ZNF140: variants seen among roughly 807,000 people sequenced by gnomAD.
ZNF140 encodes zinc finger protein 140 (clone pHZ-39).
ZNF140 carries 13 observed loss-of-function variants against 12.9 expected under a neutral mutation model. That is an observed-to-expected ratio of 1.01 (90% CI 0.66 to 1.60). The LOEUF (loss-of-function observed/expected upper bound fraction) is 1.60. ZNF140 is among the 40% of genes most tolerant of loss of function. The pLI is 0.00. For synonymous variants in ZNF140, 214 were observed against 186.7 expected (o/e 1.15, Z -1.19); for missense variants, 531 against 548.8 (o/e 0.97, Z 0.32).
rs201489396 is a variant in ZNF140, at chr12:133,106,080, T to C, written c.803T>C (p.Ile268Thr). 45 of 1,614,036 alleles carry C rather than the reference T, an allele frequency of 2.8e-5. No homozygotes were observed. Among genetic ancestry groups the C allele is most frequent in the Non-Finnish European group, 3.6e-5 (43 of 1,179,988 alleles). Residue 268 changes from isoleucine (I) to threonine (T), a missense_variant, in exon 5 of 5, where the codon ATA (isoleucine) becomes ACA (threonine). Ile to Thr is a moderately conservative substitution (Grantham distance 89). Coordinates refer to ENST00000355557, the MANE Select transcript of ZNF140 (RefSeq NM_003440.4). ...CTCACTCGACATCAAAGAATTCACA[T>C]AGGAAAGAAACAATATATATGTAGG... ...SNLTRHQRIHIGKKQYICRKC... is the reference protein window; with the variant it reads ...SNLTRHQRIHTGKKQYICRKC...
At chr12:133,091,165 T>C (rs1954869118) in intron 4 of ZNF140, among the ~76,000 whole-genome samples, 1 of 150,098 alleles carries the variant, frequency 6.7e-6, no homozygotes, top group Non-Finnish European at 1.5e-5. Flanking sequence ...GAGGCCATAT[T>C]TCAGACTCTC....
At position 133,083,189 on chromosome 12, in the gene ZNF140, A is replaced by G; in HGVS notation, c.96A>G (p.Arg32=). The change falls in exon 3 of 5, where the codon AGA becomes AGG. Residue 32 remains arginine (R), a synonymous_variant. Coordinates refer to ENST00000355557, the MANE Select transcript of ZNF140 (RefSeq NM_003440.4). ...AGCCTGCTCAAAGAGATTTGTACAG[A>G]TGTGTAATGTTGGAGAACTATGGCC... The part of the protein sequence containing the change: ...WLQPAQRDLY[R]CVMLENYGHL... 1 of 1,614,138 alleles carries G rather than the reference A, an allele frequency of 6.2e-7. No individual in the cohort carries two copies. Among genetic ancestry groups the G allele is most frequent in the South Asian group, 1.1e-5 (1 of 91,082 alleles).
Position 133,091,245 on chromosome 12 carries a change from C to T in ZNF140, c.232+7684C>T, listed in dbSNP as rs901865583. Reference sequence around the variant, plus strand: ...GGTCTCTGCGGCTTTCTGCAGTGCACTGTGCCCTGGTTTATTGAGACTAGA... The same window carrying T: ...GGTCTCTGCGGCTTTCTGCAGTGCATTGTGCCCTGGTTTATTGAGACTAGA... On this transcript the variant is annotated intron_variant, in intron 4 of 4. Transcript: ENST00000355557. Among the ~76,000 whole-genome samples the T allele has an allele frequency of 8.9e-4, 127 of 142,780 alleles. 4 individuals are homozygous for T. The highest frequency in any genetic ancestry group is 1.8e-3 in the Admixed American group (25 of 14,042). The allele number at this position is 142,780 out of a possible 152,430, so 93.7% of individuals were successfully genotyped here.
intron 2 of ZNF140, chr12:133,081,967 C>T (rs1403644228): frequency 1.9e-5 from 3 of 156,150 alleles, no homozygotes; most frequent in Non-Finnish European, 4.3e-5. Flanking sequence ...TCTAACAGTC[C>T]TTCCAAGTGA....
In ZNF140 at chr12:133,106,836, T is replaced by TA. The variant is rs1955618286; in HGVS notation, c.*187dup. ...CAGGAATATGTGGAAAAGCCATTAATAACCACTCTTTTATTTTTTTGCAAT... is the reference window on the plus strand; with the variant it reads ...CAGGAATATGTGGAAAAGCCATTAATAAACCACTCTTTTATTTTTTTGCAAT... On this transcript the variant is annotated 3_prime_UTR_variant, in exon 5 of 5. Coordinates refer to ENST00000355557, the MANE Select transcript of ZNF140 (RefSeq NM_003440.4). 2.1e-6 allele frequency: 1 copy of TA among 473,674 alleles called. No individual in the cohort carries two copies. The highest frequency in any genetic ancestry group is 3.9e-5 in the Admixed American group (1 of 25,938). 29.3% of individuals were successfully genotyped at this position (473,674 alleles called of 1,614,324 possible).
intron 4 of ZNF140, among the ~76,000 whole-genome samples, chr12:133,095,363 C>T (rs959260159): frequency 7.3e-5 from 11 of 150,856 alleles, no homozygotes; most frequent in Admixed American, 1.3e-4. Context: ...ACAAGCTTAC[C>T]GCAAGGCTGA....
intron 4 of ZNF140, among the ~76,000 whole-genome samples, chr12:133,084,918 A>G (rs1460645379): frequency 5.9e-5 from 9 of 152,242 alleles, no homozygotes; most frequent in African/African-American, 1.2e-4. Flanking sequence ...AGTGGGAGCA[A>G]ATGAGGAAAA....
In ZNF140 at chr12:133,093,506, G is replaced by T. The variant is rs761258652; in HGVS notation, c.232+9945G>T. 10 of 698,884 alleles carry T rather than the reference G, an allele frequency of 1.4e-5. 2 individuals are homozygous for T. Among genetic ancestry groups the T allele is most frequent in the Non-Finnish European group, 2.3e-5 (9 of 383,286 alleles). The allele number at this position is 698,884 out of a possible 1,614,324, so 43.3% of individuals were successfully genotyped here. On this transcript the variant is annotated intron_variant, in intron 4 of 4. Transcript: ENST00000355557. Reference sequence around the variant, plus strand: ...TAGATGGAAACTTCTTTTGTAAGTTGTAAGTATCCAAACTGGAAGCTGATT... The same window carrying T: ...TAGATGGAAACTTCTTTTGTAAGTTTTAAGTATCCAAACTGGAAGCTGATT...
rs1955621996 is a variant in ZNF140 at position 133,106,942 on chromosome 12, C to T, written c.*291C>T. The stretch of plus-strand genomic sequence containing the variant: ...GACTTCATTTGGTAGGAGTCCCTTA[C>T]TTTACGTGTGTAAATTCCTACCAGG... On this transcript the variant is annotated 3_prime_UTR_variant, in exon 5 of 5. Transcript: ENST00000355557. 8.6e-6 allele frequency: 2 copies of T among 231,510 alleles called. No individual in the cohort carries two copies. The highest frequency in any genetic ancestry group is 1.8e-4 in the South Asian group (2 of 10,948). The allele number at this position is 231,510 out of a possible 1,614,324, so 14.3% of individuals were successfully genotyped here.
intron 4 of ZNF140, among the ~76,000 whole-genome samples, chr12:133,097,375 G>A (rs929065177): frequency 7.2e-5 from 11 of 152,068 alleles, no homozygotes; most frequent in Non-Finnish European, 1.3e-4. Flanking sequence ...TGGGTGTGGT[G>A]GCTCACGCCT....
chr12:133,095,516 G>A (rs976939749), intron 4 of ZNF140, among the ~76,000 whole-genome samples: 15 of 151,210 alleles, frequency 9.9e-5, no homozygotes, highest in East Asian at 1.9e-4. Context: ...ATTTCTAGTC[G>A]GGTGGGATGA....
At chr12:133,091,771 T>G (rs1566309325) in intron 4 of ZNF140, among the ~76,000 whole-genome samples, 1 of 151,326 alleles carries the variant, frequency 6.6e-6, no homozygotes, top group East Asian at 1.9e-4. Context: ...TGTCTCAGTT[T>G]CTGGCACCAG....
At chr12:133,097,722 T>G (rs1955180474) in intron 4 of ZNF140, among the ~76,000 whole-genome samples, 1 of 152,074 alleles carries the variant, frequency 6.6e-6, no homozygotes, top group Admixed American at 6.6e-5. Flanking sequence ...GATACAATCA[T>G]AGCTCACTGC....
intron 4 of ZNF140, chr12:133,101,126 T>C: frequency 3.5e-6 from 1 of 284,450 alleles, no homozygotes; most frequent in Non-Finnish European, 7.1e-6. Flanking sequence ...ATATACCTAA[T>C]TGTAGGGGTT....
intron 4 of ZNF140, among the ~76,000 whole-genome samples, chr12:133,095,752 A>G (rs12368915): frequency 0.029 from 4,272 of 148,522 alleles, 7 homozygotes; most frequent in Non-Finnish European, 0.042. Flanking sequence ...AATCTATGTC[A>G]TAATTAGGTT....
At chr12:133,098,408 G>A (rs942778077) in intron 4 of ZNF140, among the ~76,000 whole-genome samples, 4 of 149,108 alleles carry the variant, frequency 2.7e-5, no homozygotes, top group South Asian at 2.1e-4. Flanking sequence ...CTGGCTAATG[G>A]TCTGCATTTT....
In ZNF140 at chr12:133,083,065, T is replaced by TG. The variant is rs1464503256; in HGVS notation, c.10-37dup. On this transcript the variant is annotated intron_variant, in intron 2 of 4. Transcript: ENST00000355557. Reference sequence around the variant, plus strand: ...TCCTTGATGAGGGAGTTTGGGGGCATGCGTGCTGGTCATGCAAATATCTGT... The same window carrying TG: ...TCCTTGATGAGGGAGTTTGGGGGCATGGCGTGCTGGTCATGCAAATATCTGT... 1.7e-5 allele frequency: 28 copies of TG among 1,613,928 alleles called. No homozygotes were observed. In the Admixed American group the frequency reaches 4.7e-4, roughly 27 times the overall value.
At chr12:133,102,787 T>C (rs910192135) in intron 4 of ZNF140, among the ~76,000 whole-genome samples, 131 of 151,656 alleles carry the variant, frequency 8.6e-4, no homozygotes, top group African/African-American at 2.9e-3. Context: ...CTTCTATCTA[T>C]AGGCTTTTAA....
At chr12:133,082,731 AATTAT>A (rs1381328612) in intron 2 of ZNF140, 1 of 165,376 alleles carries the variant, frequency 6.0e-6, no homozygotes, top group Non-Finnish European at 1.3e-5. Context: ...ATTCTGGCTG[AATTAT>A]ATTAAAATAG....
Sources: gnomAD v4.1 joint callset for allele counts (sites outside exome capture counted in the v4.1 genomes callset) on GRCh38, gnomAD v4.1.1 for gene constraint, MANE v1.5 for transcripts, NCBI Gene and HGNC (gene_info 2026-07-23, HGNC 2026-07-21) for gene names.